CSMD1: variants seen among roughly 807,000 people sequenced by gnomAD.
The protein encoded by CSMD1 is CUB and Sushi multiple domains 1.
A neutral mutation model predicts 417.5 loss-of-function variants in CSMD1; 213 were observed. The observed-to-expected ratio is 0.51, with a 90% CI of 0.46 to 0.57. The LOEUF is 0.57. Among genes scored for constraint, CSMD1 ranks in the 20% least tolerant of loss-of-function variants. CSMD1 has a pLI of 0.00. For missense variants in CSMD1, 6,923 were observed against 4,529.7 expected (o/e 1.53, Z -15.17); for synonymous variants, 2,862 against 1,736.8 (o/e 1.65, Z -16.11).
At chr8:4,464,873 G>GT (rs773895958) in intron 2 of CSMD1, among the ~76,000 whole-genome samples, 2 of 152,062 alleles carry the variant, frequency 1.3e-5, no homozygotes, top group African/African-American at 2.4e-5. Context: ...AGTTTTATTA[G>GT]TTTTTTATTA....
At chr8:3,661,901 A>G (rs1487616424) in intron 7 of CSMD1, among the ~76,000 whole-genome samples, 1 of 152,206 alleles carries the variant, frequency 6.6e-6, no homozygotes, top group African/African-American at 2.4e-5. Flanking sequence ...GGAAGATGGA[A>G]GAAGACAGCA....
intron 10 of CSMD1, among the ~76,000 whole-genome samples, chr8:3,553,342 G>A (rs1004014111): frequency 6.6e-6 from 1 of 152,314 alleles, no homozygotes; most frequent in Admixed American, 6.5e-5. Context: ...AATAATTTGA[G>A]AAGTCATTAA....
chr8:4,214,788 G>A (rs1448996019), intron 3 of CSMD1, among the ~76,000 whole-genome samples: 2 of 152,208 alleles, frequency 1.3e-5, no homozygotes, highest in South Asian at 2.1e-4. Context: ...CATTTCAAAT[G>A]TAGTATAACT....
chr8:3,220,703 C>A (rs1205542913), intron 28 of CSMD1, among the ~76,000 whole-genome samples: 2 of 152,060 alleles, frequency 1.3e-5, no homozygotes, highest in African/African-American at 2.4e-5. Context: ...TGGTGTCGTG[C>A]ACCTGTAGTC....
Position 4,791,918 on chromosome 8 carries a change from T to TTTTTTG in CSMD1, c.86-154361_86-154360insCAAAAA, listed in dbSNP as rs1489966413. Among the ~76,000 whole-genome samples the TTTTTTG allele has an allele frequency of 1.6e-3, 236 of 151,808 alleles. 1 individual carries two copies. Among genetic ancestry groups the TTTTTTG allele is most frequent in the African/African-American group, 5.5e-3 (227 of 41,254 alleles). Reference sequence around the variant, plus strand: ...GTTCATCTTATTCGAAAAGGTAGATTAATTTAGTTTCTTTATGTTAGTTTT... The same window carrying TTTTTTG: ...GTTCATCTTATTCGAAAAGGTAGATTTTTTTGAATTTAGTTTCTTTATGTTAGTTTT... On this transcript the variant is annotated intron_variant, in intron 1 of 69. Coordinates refer to ENST00000635120, the MANE Select transcript of CSMD1 (RefSeq NM_033225.6).
At chr8:4,843,490 T>G (rs1418024897) in intron 1 of CSMD1, among the ~76,000 whole-genome samples, 1 of 152,084 alleles carries the variant, frequency 6.6e-6, no homozygotes, top group African/African-American at 2.4e-5. Context: ...TAAAGGAAAG[T>G]AGCAAAGACT....
chr8:3,003,481 G>A (rs988490185), intron 52 of CSMD1, among the ~76,000 whole-genome samples: 1 of 152,156 alleles, frequency 6.6e-6, no homozygotes, highest in Non-Finnish European at 1.5e-5. Context: ...AGTACTTGTT[G>A]AAATGAACAG....
Position 4,567,821 on chromosome 8 carries a change from G to C in CSMD1, c.302+69521C>G, listed in dbSNP as rs191255120. ...GGAAAAAAAAAGTGAGGCAGCATGA[G>C]CTAATGAATATTTCTTATTAATTCA... On this transcript the variant is annotated intron_variant, in intron 2 of 69. Coordinates refer to ENST00000635120, the MANE Select transcript of CSMD1 (RefSeq NM_033225.6). Among the ~76,000 whole-genome samples, 15 of 152,278 alleles carry C rather than the reference G, an allele frequency of 9.9e-5. No homozygotes were observed. The East Asian group carries it at 2.7e-3, about 27-fold the overall frequency.
At chr8:3,403,366 G>A (rs935474296) in intron 15 of CSMD1, among the ~76,000 whole-genome samples, 8 of 152,056 alleles carry the variant, frequency 5.3e-5, no homozygotes, top group Non-Finnish European at 7.3e-5. Context: ...TTTCAGCAGA[G>A]GCAGTGATCG....
intron 1 of CSMD1, among the ~76,000 whole-genome samples, chr8:4,933,292 A>T (rs1367834004): frequency 6.6e-6 from 1 of 152,184 alleles, no homozygotes; most frequent in Non-Finnish European, 1.5e-5. Context: ...CTCTCAGAGG[A>T]GCACAACCTG....
In CSMD1 at chr8:3,973,125, G is replaced by C. The variant is rs186617879; in HGVS notation, c.818+24778C>G. Among the ~76,000 whole-genome samples the C allele has an allele frequency of 7.9e-5, 12 of 152,322 alleles. No individual in the cohort carries two copies. The East Asian group carries it at 1.7e-3, about 22-fold the overall frequency. ...AGCCTGCTTTCTTGACAGTTGGAAAGTTATGAAAATAAAATTCTAACGAAT... is the reference window on the plus strand; with the variant it reads ...AGCCTGCTTTCTTGACAGTTGGAAACTTATGAAAATAAAATTCTAACGAAT... On this transcript the variant is annotated intron_variant, in intron 5 of 69. Transcript: ENST00000635120.
At chr8:3,118,908 C>A (rs1261643325) in intron 41 of CSMD1, among the ~76,000 whole-genome samples, 1 of 152,134 alleles carries the variant, frequency 6.6e-6, no homozygotes, top group Non-Finnish European at 1.5e-5. Flanking sequence ...AGGCTGGGAG[C>A]GGTGGCTCAC....
At chr8:3,945,318 A>C (rs1254970314) in intron 5 of CSMD1, among the ~76,000 whole-genome samples, 5 of 152,274 alleles carry the variant, frequency 3.3e-5, no homozygotes, top group Non-Finnish European at 1.5e-5. Flanking sequence ...AAATTAACTT[A>C]TACTTAAAAT....
intron 11 of CSMD1, among the ~76,000 whole-genome samples, chr8:3,470,498 G>A (rs999999451): frequency 6.6e-6 from 1 of 152,090 alleles, no homozygotes; most frequent in Non-Finnish European, 1.5e-5. Flanking sequence ...CAACCTACCA[G>A]CCTCGTTAAA....
chr8:3,650,350 A>C (rs766235789), intron 7 of CSMD1, among the ~76,000 whole-genome samples: 4 of 152,184 alleles, frequency 2.6e-5, no homozygotes, highest in Non-Finnish European at 5.9e-5. Flanking sequence ...GAAGATGAGT[A>C]TACCTTTACT....
intron 66 of CSMD1, among the ~76,000 whole-genome samples, 157 bp from the exon 67 acceptor site, chr8:2,950,500 G>C (rs1411500666): frequency 6.6e-6 from 1 of 152,048 alleles, no homozygotes; most frequent in Non-Finnish European, 1.5e-5. Context: ...TTTAGCTTAG[G>C]AGCTTCCATT....
intron 2 of CSMD1, among the ~76,000 whole-genome samples, chr8:4,580,520 C>A (rs1180350562): frequency 6.6e-6 from 1 of 152,146 alleles, no homozygotes; most frequent in African/African-American, 2.4e-5. Context: ...CTGGCTCGGG[C>A]CGTCGGGTTC....
At chr8:4,920,193 C>A (rs998414562) in intron 1 of CSMD1, among the ~76,000 whole-genome samples, 3 of 152,064 alleles carry the variant, frequency 2.0e-5, no homozygotes, top group Non-Finnish European at 4.4e-5. Context: ...GAGTCTTATG[C>A]TAATGAACCA....
intron 50 of CSMD1, among the ~76,000 whole-genome samples, chr8:3,049,183 A>C (rs1159371958): frequency 6.6e-6 from 1 of 152,142 alleles, no homozygotes; most frequent in Non-Finnish European, 1.5e-5. Context: ...TGGTTTCTTA[A>C]AAAACTAAAA....
Sources: gnomAD v4.1 joint callset for allele counts (sites outside exome capture counted in the v4.1 genomes callset) on GRCh38, gnomAD v4.1.1 for gene constraint, MANE v1.5 for transcripts, NCBI Gene and HGNC (gene_info 2026-07-23, HGNC 2026-07-21) for gene names.